The following MAPK10 variants were observed in gnomAD, a reference collection of about 807,000 sequenced individuals.
MAPK10 encodes the protein mitogen-activated protein kinase 10, also known as JNK3 alpha protein kinase.
MAPK10 carries 25 observed loss-of-function variants against 59.3 expected under a neutral mutation model. The observed-to-expected ratio is 0.42, with a 90% CI of 0.31 to 0.59. The LOEUF is 0.59. Ranked by LOEUF, MAPK10 falls within the 20% of genes least tolerant of loss-of-function variation. The probability of loss-of-function intolerance (pLI) is 0.15; values close to 1 mark genes in which losing one functional copy is unlikely to be tolerated. For synonymous variants in MAPK10, 190 were observed against 200.5 expected (o/e 0.95, Z 0.44); for missense variants, 351 against 568.9 (o/e 0.62, Z 3.90).
At chr4:86,504,439 C>T (rs1755568114) in intron 1 of MAPK10, among the ~76,000 whole-genome samples, 1 of 152,146 alleles carries the variant, frequency 6.6e-6, no homozygotes, top group South Asian at 2.1e-4. Flanking sequence ...CCATATTATA[C>T]TATTACTTTA....
chr4:86,046,672 C>T (rs1389331166), intron 11 of MAPK10, among the ~76,000 whole-genome samples: 1 of 152,088 alleles, frequency 6.6e-6, no homozygotes, highest in African/African-American at 2.4e-5. Flanking sequence ...ACATGTCTGA[C>T]ATTACTCAAA....
At chr4:86,242,198 C>T (rs183753182) in intron 2 of MAPK10, among the ~76,000 whole-genome samples, 1 of 152,244 alleles carries the variant, frequency 6.6e-6, no homozygotes, top group East Asian at 1.9e-4. Context: ...TTCAAGGAGG[C>T]TGGAGAACAG....
At chr4:86,117,039 GACC>G (rs1471690609) in intron 4 of MAPK10, among the ~76,000 whole-genome samples, 1 of 152,184 alleles carries the variant, frequency 6.6e-6, no homozygotes, top group Non-Finnish European at 1.5e-5. Flanking sequence ...CCACCATCAT[GACC>G]ACATTTTTCA....
chr4:86,388,553 G>A (rs1352616970), intron 1 of MAPK10, among the ~76,000 whole-genome samples: 1 of 152,132 alleles, frequency 6.6e-6, no homozygotes, highest in African/African-American at 2.4e-5. Context: ...CAAGAAACAA[G>A]TATCTGTAGC....
chr4:86,388,339 G>A (rs932075792), intron 1 of MAPK10, among the ~76,000 whole-genome samples: 11 of 151,998 alleles, frequency 7.2e-5, no homozygotes, highest in Non-Finnish European at 1.3e-4. Flanking sequence ...TTGTGACTAA[G>A]GATATAAAAA....
chr4:86,079,945 G>A lies in MAPK10; in HGVS notation c.803-11990C>T, dbSNP rs2050289607. On this transcript the variant is annotated intron_variant, in intron 9 of 13. Coordinates refer to ENST00000641462, the MANE Select transcript of MAPK10 (RefSeq NM_138982.4). The stretch of plus-strand genomic sequence containing the variant: ...CCCATGCTAGCATTTTGGTCTTTTG[G>A]TCTCTCTTACTCTGCAGCTATTATC... 3 of 151,924 alleles carry A rather than the reference G, an allele frequency of 2.0e-5. 1 individual carries two copies. The South Asian group carries it at 6.2e-4, about 32-fold the overall frequency. 9.4% of individuals were successfully genotyped at this position (151,924 alleles called of 1,614,324 possible). A position where few individuals can be genotyped will look rare whatever the true frequency, so the allele number is the denominator to read the frequency against.
chr4:86,316,395 T>C (rs1317295427), intron 2 of MAPK10, among the ~76,000 whole-genome samples: 1 of 152,130 alleles, frequency 6.6e-6, no homozygotes, highest in African/African-American at 2.4e-5. Context: ...AATTGACATA[T>C]AAACATAAAT....
intron 1 of MAPK10, among the ~76,000 whole-genome samples, chr4:86,440,741 T>C (rs1749318874): frequency 6.6e-6 from 1 of 152,070 alleles, no homozygotes; most frequent in South Asian, 2.1e-4. Flanking sequence ...CTGGTATGAG[T>C]CCACTGATAT....
At chr4:86,094,465 T>A (rs2053856377) in intron 9 of MAPK10, among the ~76,000 whole-genome samples, 1 of 151,976 alleles carries the variant, frequency 6.6e-6, no homozygotes, top group South Asian at 2.1e-4. Context: ...TCTTTAACTT[T>A]ATATCCAGAG....
intron 2 of MAPK10, among the ~76,000 whole-genome samples, chr4:86,292,806 G>A (rs999286872): frequency 6.6e-6 from 1 of 152,184 alleles, no homozygotes; most frequent in African/African-American, 2.4e-5. Context: ...CCAAGGAGAT[G>A]ATATTGAGTA....
chr4:86,430,907 T>C (rs1224512823), intron 1 of MAPK10, among the ~76,000 whole-genome samples: 17 of 152,144 alleles, frequency 1.1e-4, no homozygotes, highest in Non-Finnish European at 8.8e-5. Context: ...TTTGAGGCAG[T>C]TGTGTGAAAT....
At chr4:86,068,215 G>A (rs1267316590) in intron 9 of MAPK10, among the ~76,000 whole-genome samples, 2 of 152,106 alleles carry the variant, frequency 1.3e-5, no homozygotes, top group Non-Finnish European at 2.9e-5. Flanking sequence ...TCTTTGGGGT[G>A]TACAGATAAA....
intron 1 of MAPK10, among the ~76,000 whole-genome samples, chr4:86,378,189 T>C (rs918669990): frequency 6.6e-6 from 1 of 152,278 alleles, no homozygotes; most frequent in Non-Finnish European, 1.5e-5. Context: ...GGGAATAAAA[T>C]GTAAATTCCT....
chr4:86,377,474 G>A (rs1309753891), intron 1 of MAPK10, among the ~76,000 whole-genome samples: 1 of 152,198 alleles, frequency 6.6e-6, no homozygotes, highest in African/African-American at 2.4e-5. Context: ...AGCCAGAAGG[G>A]CTGTATAATC....
intron 2 of MAPK10, among the ~76,000 whole-genome samples, chr4:86,303,155 T>G (rs2148850475): frequency 6.6e-6 from 1 of 152,360 alleles, no homozygotes; most frequent in Middle Eastern, 3.4e-3. Context: ...CTCAGCTCTC[T>G]TAATCCACAT....
intron 3 of MAPK10, among the ~76,000 whole-genome samples, chr4:86,170,738 C>T (rs1183940660): frequency 6.6e-6 from 1 of 151,746 alleles, no homozygotes; most frequent in Non-Finnish European, 1.5e-5. Context: ...TAGACATCTA[C>T]AGAACTCTCC....
At chr4:86,513,419 C>T (rs965572153) in intron 1 of MAPK10, among the ~76,000 whole-genome samples, 1 of 152,182 alleles carries the variant, frequency 6.6e-6, no homozygotes, top group Non-Finnish European at 1.5e-5. Context: ...TCACTCTCTG[C>T]TTTCATTAAA....
At chr4:86,162,309 A>G (rs947270252) in intron 3 of MAPK10, among the ~76,000 whole-genome samples, 2 of 151,968 alleles carry the variant, frequency 1.3e-5, no homozygotes, top group African/African-American at 2.4e-5. Flanking sequence ...TATATGTGCC[A>G]TAGTAAACTA....
intron 1 of MAPK10, among the ~76,000 whole-genome samples, chr4:86,557,443 A>G (rs908163878): frequency 6.6e-6 from 1 of 152,108 alleles, no homozygotes; most frequent in African/African-American, 2.4e-5. Flanking sequence ...TTTAAAATCT[A>G]AGAAAAGTAG....
Sources: allele counts gnomAD v4.1 joint callset (sites outside exome capture counted in the v4.1 genomes callset), GRCh38; gene constraint gnomAD v4.1.1; transcripts MANE v1.5; gene names NCBI Gene and HGNC (gene_info 2026-07-23, HGNC 2026-07-21).